Variants in TMPRSS11D observed in about 807,000 individuals in gnomAD.
TMPRSS11D encodes transmembrane serine protease 11D, also known as transmembrane protease serine 11D.
A neutral mutation model predicts 44.4 loss-of-function variants in TMPRSS11D; 32 were observed. That is an observed-to-expected ratio of 0.72 (90% CI 0.54 to 0.97). The LOEUF (loss-of-function observed/expected upper bound fraction) is 0.97, where lower values mean the gene tolerates loss of function less well. Ranked by LOEUF, TMPRSS11D falls within the 50% of genes least tolerant of loss-of-function variation. TMPRSS11D has a pLI of 0.00. For synonymous variants in TMPRSS11D, 179 were observed against 177.9 expected (o/e 1.01, Z -0.05); for missense variants, 446 against 502.6 (o/e 0.89, Z 1.08).
chr4:67,882,173 A>G (rs1393604851), intron 1 of TMPRSS11D, among the ~76,000 whole-genome samples: 1 of 152,194 alleles, frequency 6.6e-6, no homozygotes, highest in Non-Finnish European at 1.5e-5. Flanking sequence ...TTTTTATAAA[A>G]AAAGCAATCA....
At chr4:67,848,301 A>G (rs1276106407) in intron 3 of TMPRSS11D, among the ~76,000 whole-genome samples, 2 of 152,208 alleles carry the variant, frequency 1.3e-5, no homozygotes, top group African/African-American at 2.4e-5. Flanking sequence ...TGTAAGTAGA[A>G]TGCATTCATA....
chr4:67,876,755 G>A (rs1297043189), intron 1 of TMPRSS11D, among the ~76,000 whole-genome samples: 5 of 152,068 alleles, frequency 3.3e-5, no homozygotes, highest in Non-Finnish European at 5.9e-5. Flanking sequence ...TAGATACAGT[G>A]CTTATTGAAT....
At chr4:67,859,732 C>T in intron 1 of TMPRSS11D, 54 bp from the exon 2 acceptor site, 1 of 1,602,190 alleles carries the variant, frequency 6.2e-7, no homozygotes, top group Non-Finnish European at 8.5e-7. Context: ...TTTCATCCAT[C>T]ATTTTAGTGT....
intron 3 of TMPRSS11D, among the ~76,000 whole-genome samples, chr4:67,844,633 G>T (rs992294261): frequency 2.0e-5 from 3 of 151,918 alleles, no homozygotes; most frequent in East Asian, 1.9e-4. Flanking sequence ...AAAAAAATTA[G>T]CCAGGTGTGG....
intron 3 of TMPRSS11D, among the ~76,000 whole-genome samples, chr4:67,850,930 C>T (rs1413935909): frequency 1.3e-5 from 2 of 152,170 alleles, no homozygotes; most frequent in Admixed American, 6.5e-5. Flanking sequence ...ATTTACAGCT[C>T]AGTAGATCTC....
In TMPRSS11D at chr4:67,827,300, T is replaced by G; in HGVS notation, c.913A>C (p.Thr305Pro). 6.2e-7 allele frequency: 1 copy of G among 1,613,090 alleles called. No individual in the cohort carries two copies. ...GCGCCCCATCCTGTTACATAAGCAG[T>G]AGAGCCAGGTGGAATATTCTGGGTA... Reference protein sequence around the residue: ...AATQNIPPGSTAYVTGWGAQE... With the variant: ...AATQNIPPGSPAYVTGWGAQE... Residue 305 changes from threonine to proline, a missense_variant, in exon 8 of 10, where the codon ACT (threonine) becomes CCT (proline). Physicochemically the swap from Thr to Pro is conservative, Grantham distance 38 (BLOSUM62 -1). Transcript: ENST00000283916.
rs183923846 is a variant in TMPRSS11D, at chr4:67,860,702, T to C, written c.9-1024A>G. Among the ~76,000 whole-genome samples, 4 of 152,282 alleles carry C rather than the reference T, an allele frequency of 2.6e-5. No homozygotes were observed. The East Asian group carries it at 7.7e-4, about 29-fold the overall frequency. On this transcript the variant is annotated intron_variant, in intron 1 of 9. Transcript: ENST00000283916. ...TCGCCTGTGTTAATTCTTGACATGT[T>C]TCAGATTTAAAAGCCTCAATAGAGC... is the stretch of plus-strand genomic sequence containing the variant.
chr4:67,865,056 A>G (rs1390686416), intron 1 of TMPRSS11D, among the ~76,000 whole-genome samples: 3 of 151,848 alleles, frequency 2.0e-5, no homozygotes, highest in Non-Finnish European at 4.4e-5. Context: ...CCCAACTATC[A>G]CAGAATATAC....
intron 1 of TMPRSS11D, among the ~76,000 whole-genome samples, chr4:67,881,072 A>C (rs930744413): frequency 6.6e-6 from 1 of 152,206 alleles, no homozygotes; most frequent in African/African-American, 2.4e-5. Flanking sequence ...AATACTCCCC[A>C]AAACTGTGAA....
chr4:67,864,055 A>G (rs1304923008), intron 1 of TMPRSS11D, among the ~76,000 whole-genome samples: 1 of 152,068 alleles, frequency 6.6e-6, no homozygotes, highest in Admixed American at 6.6e-5. Flanking sequence ...CTAAATAACC[A>G]TAAAAAACTT....
chr4:67,837,390 C>T (rs569229218), intron 5 of TMPRSS11D, among the ~76,000 whole-genome samples: 1 of 152,180 alleles, frequency 6.6e-6, no homozygotes, highest in African/African-American at 2.4e-5. Context: ...TCTCGGAAGA[C>T]AACTTTGTGG....
At chr4:67,874,831 G>C (rs1359375852) in intron 1 of TMPRSS11D, among the ~76,000 whole-genome samples, 2 of 151,932 alleles carry the variant, frequency 1.3e-5, no homozygotes, top group Admixed American at 1.3e-4. Flanking sequence ...GAGAGGAGTG[G>C]ATACTGGAAT....
At chr4:67,836,799 G>C (rs1056519460) in intron 5 of TMPRSS11D, among the ~76,000 whole-genome samples, 5 of 152,156 alleles carry the variant, frequency 3.3e-5, no homozygotes, top group Non-Finnish European at 5.9e-5. Context: ...AATCATTCCA[G>C]CAGGTCCCTT....
intron 3 of TMPRSS11D, among the ~76,000 whole-genome samples, chr4:67,849,477 T>A (rs1280572981): frequency 6.6e-6 from 1 of 152,108 alleles, no homozygotes; most frequent in African/African-American, 2.4e-5. Flanking sequence ...TTGAGGTGTT[T>A]CAATATTTAA....
chr4:67,836,636 A>AG (rs1433323371), intron 5 of TMPRSS11D, among the ~76,000 whole-genome samples: 2 of 152,114 alleles, frequency 1.3e-5, no homozygotes, highest in African/African-American at 4.8e-5. Flanking sequence ...ATCTTTTCTA[A>AG]GGGGGACAAT....
chr4:67,878,865 G>A (rs544755799), intron 1 of TMPRSS11D, among the ~76,000 whole-genome samples: 3 of 152,236 alleles, frequency 2.0e-5, no homozygotes, highest in African/African-American at 7.2e-5. Context: ...GGCAGAGGTC[G>A]CAGTGAGCCG....
intron 7 of TMPRSS11D, among the ~76,000 whole-genome samples, chr4:67,829,088 T>C (rs959105432): frequency 6.6e-6 from 1 of 151,770 alleles, no homozygotes; most frequent in Non-Finnish European, 1.5e-5. Flanking sequence ...CAGTCCTGAT[T>C]TGACTTCCTC....
At chr4:67,832,245 A>G (rs1294572543) in intron 7 of TMPRSS11D, among the ~76,000 whole-genome samples, 7 of 152,038 alleles carry the variant, frequency 4.6e-5, no homozygotes, top group East Asian at 1.9e-4. Flanking sequence ...GTTTAGAGTA[A>G]GAGTCTGAGA....
At chr4:67,880,150 G>C (rs1170194635) in intron 1 of TMPRSS11D, among the ~76,000 whole-genome samples, 2 of 152,156 alleles carry the variant, frequency 1.3e-5, no homozygotes, top group African/African-American at 4.8e-5. Context: ...TGTGAAAGGT[G>C]GGGAAAGGTC....
Sources: gnomAD v4.1 joint callset for allele counts (sites outside exome capture counted in the v4.1 genomes callset) on GRCh38, gnomAD v4.1.1 for gene constraint, MANE v1.5 for transcripts, NCBI Gene and HGNC (gene_info 2026-07-23, HGNC 2026-07-21) for gene names.